The following PRKG1 variants were observed in gnomAD, a reference collection of about 807,000 sequenced individuals.
PRKG1 encodes the protein cGMP-dependent protein kinase 1.
In PRKG1, 35 loss-of-function variants were observed where a neutral mutation model predicts 88.1. That is an observed-to-expected ratio of 0.40 (90% CI 0.30 to 0.53). The LOEUF is 0.53. PRKG1 is among the 20% of genes least tolerant of loss of function. The probability of loss-of-function intolerance (pLI) is 0.59; values close to 1 mark genes in which losing one functional copy is unlikely to be tolerated. For synonymous variants in PRKG1, 303 were observed against 292.5 expected (o/e 1.04, Z -0.37); for missense variants, 540 against 839.8 (o/e 0.64, Z 4.41).
intron 2 of PRKG1, among the ~76,000 whole-genome samples, chr10:51,454,741 C>A (rs1187179029): frequency 1.3e-5 from 2 of 152,164 alleles, no homozygotes; most frequent in African/African-American, 4.8e-5. Flanking sequence ...TTATTCACTA[C>A]CATGAGAACA....
intron 14 of PRKG1, among the ~76,000 whole-genome samples, chr10:52,285,011 C>T (rs890448651): frequency 2.0e-5 from 3 of 151,970 alleles, no homozygotes; most frequent in South Asian, 2.1e-4. Context: ...TTTCTCATTG[C>T]TTCCTTCCCT....
chr10:52,130,841 T>C (rs1837234783), intron 7 of PRKG1, among the ~76,000 whole-genome samples: 1 of 152,124 alleles, frequency 6.6e-6, no homozygotes, highest in Non-Finnish European at 1.5e-5. Flanking sequence ...CCCCACTGTG[T>C]TTCTGAATAG....
chr10:51,458,306 T>C (rs1305969794), intron 2 of PRKG1, among the ~76,000 whole-genome samples: 2 of 152,164 alleles, frequency 1.3e-5, no homozygotes, highest in Non-Finnish European at 2.9e-5. Flanking sequence ...GTTTCTATTT[T>C]CTGGATGTTA....
intron 5 of PRKG1, among the ~76,000 whole-genome samples, chr10:51,976,765 A>T (rs1018144987): frequency 2.6e-5 from 4 of 152,020 alleles, no homozygotes; most frequent in Non-Finnish European, 2.9e-5. Flanking sequence ...TGGCTTGTGA[A>T]TTATATCTCA....
chr10:52,111,406 T>C (rs972886806), intron 7 of PRKG1, among the ~76,000 whole-genome samples: 10 of 152,242 alleles, frequency 6.6e-5, no homozygotes, highest in Admixed American at 5.2e-4. Context: ...ACATTTTTAC[T>C]CAGTATTATA....
chr10:51,728,199 T>A (rs1422911294), intron 3 of PRKG1, among the ~76,000 whole-genome samples: 1 of 152,114 alleles, frequency 6.6e-6, no homozygotes, highest in Admixed American at 6.6e-5. Context: ...ATTTGAGATT[T>A]TTTTTTACCC....
chr10:51,858,915 A>T (rs1467457351), intron 4 of PRKG1, among the ~76,000 whole-genome samples: 1 of 152,020 alleles, frequency 6.6e-6, no homozygotes, highest in African/African-American at 2.4e-5. Flanking sequence ...TCCTGGACCC[A>T]CCTCTGCCTT....
intron 1 of PRKG1, among the ~76,000 whole-genome samples, chr10:51,013,094 A>G (rs17594456): frequency 0.014 from 2,085 of 152,352 alleles, 25 homozygotes; most frequent in Non-Finnish European, 0.021. Context: ...GCTCATCCGA[A>G]GGTAGTAAAG....
intron 3 of PRKG1, among the ~76,000 whole-genome samples, chr10:51,533,740 C>T (rs549733496): frequency 3.9e-4 from 60 of 152,044 alleles, no homozygotes; most frequent in African/African-American, 1.4e-3. Flanking sequence ...TAAAGCAAAG[C>T]TGAAAACTCT....
chr10:52,203,748 C>A (rs1839737389), intron 9 of PRKG1, among the ~76,000 whole-genome samples: 1 of 152,160 alleles, frequency 6.6e-6, no homozygotes, highest in African/African-American at 2.4e-5. Context: ...TTGAATTGAA[C>A]ATTTTACCAT....
intron 14 of PRKG1, among the ~76,000 whole-genome samples, chr10:52,285,399 C>T (rs1842095922): frequency 6.6e-6 from 1 of 151,920 alleles, no homozygotes; most frequent in African/African-American, 2.4e-5. Flanking sequence ...AATATAAGTC[C>T]TTATTTCCAC....
chr10:51,881,019 A>T (rs751820213), intron 4 of PRKG1, among the ~76,000 whole-genome samples: 19 of 149,056 alleles, frequency 1.3e-4, no homozygotes, highest in Non-Finnish European at 2.7e-4. Context: ...GGAGTTACTT[A>T]GAGAAAAGGG....
intron 1 of PRKG1, among the ~76,000 whole-genome samples, chr10:51,087,021 A>G (rs1471896308): frequency 6.6e-6 from 1 of 152,206 alleles, no homozygotes; most frequent in Admixed American, 6.5e-5. Context: ...CTTGCTAGTG[A>G]GTTTTTAAAT....
chr10:52,145,592 C>T (rs1440349391), intron 8 of PRKG1, among the ~76,000 whole-genome samples: 1 of 152,120 alleles, frequency 6.6e-6, no homozygotes, highest in East Asian at 1.9e-4. Flanking sequence ...TTATTTCTGA[C>T]AGAAGCTTAG....
rs1167219822 is a variant in PRKG1, at chr10:51,843,093, C to CTTTTTTTTTTTTTTT, written c.698+38412_698+38426dup. Among the ~76,000 whole-genome samples the CTTTTTTTTTTTTTTT allele has an allele frequency of 2.6e-4, 23 of 87,910 alleles. 1 individual carries two copies. Among genetic ancestry groups the CTTTTTTTTTTTTTTT allele is most frequent in the Non-Finnish European group, 3.7e-4 (16 of 43,430 alleles). 57.7% of individuals were successfully genotyped at this position (87,910 alleles called of 152,430 possible). On this transcript the variant is annotated intron_variant, in intron 4 of 17. Coordinates refer to ENST00000373980, the MANE Select transcript of PRKG1 (RefSeq NM_006258.4). ...TTTATTTAAATTTAGGAAAATTATT[C>CTTTTTTTTTTTTTTT]TTTTTTTTTTTTTTTTTTTTTTTGA...
intron 7 of PRKG1, among the ~76,000 whole-genome samples, chr10:52,116,270 C>G (rs1008585557): frequency 1.3e-5 from 2 of 152,082 alleles, no homozygotes; most frequent in South Asian, 4.1e-4. Context: ...ACAATGTATA[C>G]GTGTTTAGTG....
At chr10:51,212,315 TC>T (rs781563368) in intron 2 of PRKG1, among the ~76,000 whole-genome samples, 1 of 152,052 alleles carries the variant, frequency 6.6e-6, no homozygotes, top group Non-Finnish European at 1.5e-5. Flanking sequence ...AAAAATTAAT[TC>T]AAGATGGATT....
At chr10:52,161,831 G>C in intron 8 of PRKG1, 58 bp from the exon 9 acceptor site, 1 of 1,430,754 alleles carries the variant, frequency 7.0e-7, no homozygotes, top group Non-Finnish European at 9.8e-7. Context: ...TCACTGACTA[G>C]GTTGCCATTG....
At chr10:51,279,358 G>A (rs1840226117) in intron 2 of PRKG1, among the ~76,000 whole-genome samples, 2 of 152,176 alleles carry the variant, frequency 1.3e-5, no homozygotes, top group Admixed American at 1.3e-4. Flanking sequence ...ATTTACTGAG[G>A]ACTGCTTTAT....
Sources: allele counts gnomAD v4.1 joint callset (sites outside exome capture counted in the v4.1 genomes callset), GRCh38; gene constraint gnomAD v4.1.1; transcripts MANE v1.5; gene names NCBI Gene and HGNC (gene_info 2026-07-23, HGNC 2026-07-21).